The following SAMD12 variants were observed in gnomAD, a reference collection of about 807,000 sequenced individuals.
SAMD12 encodes the protein sterile alpha motif domain containing 12.
Under a neutral mutation model 15.0 loss-of-function variants are expected in SAMD12, and 9 were observed. The observed-to-expected ratio is 0.60, with a 90% CI of 0.36 to 1.05. The LOEUF (loss-of-function observed/expected upper bound fraction) is 1.05. SAMD12 is among the 50% of genes least tolerant of loss of function. The probability of loss-of-function intolerance (pLI) is 0.01; values close to 1 mark genes in which losing one functional copy is unlikely to be tolerated. For missense variants in SAMD12, 230 were observed against 234.2 expected (o/e 0.98, Z 0.12); for synonymous variants, 86 against 90.1 (o/e 0.96, Z 0.25).
At chr8:118,500,914 G>T (rs571461329) in intron 2 of SAMD12, among the ~76,000 whole-genome samples, 1 of 152,240 alleles carries the variant, frequency 6.6e-6, no homozygotes, top group East Asian at 1.9e-4. Flanking sequence ...TTGACATTCT[G>T]GTCTCCTCTA....
At position 118,569,020 on chromosome 8, in the gene SAMD12, T is replaced by C. The variant is rs1034765097; in HGVS notation, c.192+11695A>G. ...ATAGTTCAGATTTATTCTTGTATAC[T>C]AAGATATTTGTTTTATGATGGTGAT... On this transcript the variant is annotated intron_variant, in intron 2 of 3. Coordinates refer to ENST00000314727, the MANE Select transcript of SAMD12 (RefSeq NM_207506.3). 2.0e-5 allele frequency among the ~76,000 whole-genome samples: 3 copies of C among 152,342 alleles called. No individual in the cohort carries two copies. In the East Asian group the frequency reaches 5.8e-4, roughly 29 times the overall value.
chr8:118,485,507 T>C (rs1196000489), intron 2 of SAMD12, among the ~76,000 whole-genome samples: 1 of 152,240 alleles, frequency 6.6e-6, no homozygotes, highest in South Asian at 2.1e-4. Context: ...ATCTTTCCTC[T>C]TAATCCTTGT....
intron 2 of SAMD12, among the ~76,000 whole-genome samples, chr8:118,550,052 T>C (rs185495071): frequency 1.6e-3 from 245 of 152,240 alleles, no homozygotes; most frequent in African/African-American, 5.7e-3. Flanking sequence ...CTACGACTGA[T>C]TGGTGTACCT....
At chr8:118,552,098 A>G (rs954553887) in intron 2 of SAMD12, among the ~76,000 whole-genome samples, 2 of 152,190 alleles carry the variant, frequency 1.3e-5, no homozygotes, top group African/African-American at 2.4e-5. Flanking sequence ...TACCAGAGGT[A>G]CGAGGAGGAA....
chr8:118,567,618 AAT>A (rs1826887644), intron 2 of SAMD12, among the ~76,000 whole-genome samples: 1 of 152,188 alleles, frequency 6.6e-6, no homozygotes, highest in Non-Finnish European at 1.5e-5. Context: ...TTTGGCCAAA[AAT>A]CTGCTATTGG....
chr8:118,278,638 C>T (rs1237803074), intron 4 of SAMD12, among the ~76,000 whole-genome samples: 1 of 152,180 alleles, frequency 6.6e-6, no homozygotes, highest in Non-Finnish European at 1.5e-5. Flanking sequence ...ATAACCATTT[C>T]TGCTCAAAAC....
At chr8:118,219,650 G>A (rs1812041957) in intron 4 of SAMD12, among the ~76,000 whole-genome samples, 1 of 152,204 alleles carries the variant, frequency 6.6e-6, no homozygotes, top group South Asian at 2.1e-4. Context: ...CATTTGATCT[G>A]TTGAGAAGCT....
chr8:118,232,938 C>G (rs915665888), intron 4 of SAMD12, among the ~76,000 whole-genome samples: 10 of 152,140 alleles, frequency 6.6e-5, no homozygotes, highest in African/African-American at 2.4e-4. Flanking sequence ...TATTGAAACT[C>G]TGCCAGAAAG....
At chr8:118,302,078 G>GTTTTTTTTATTTTTTTTTTTTT (rs1815064243) in intron 4 of SAMD12, among the ~76,000 whole-genome samples, 1 of 74,692 alleles carries the variant, frequency 1.3e-5, no homozygotes, top group Admixed American at 2.1e-4. Flanking sequence ...ATCTTTGAGA[G>GTTTTTTTTATTTTTTTTTTTTT]TTTTTTTTTT....
intron 1 of SAMD12, among the ~76,000 whole-genome samples, chr8:118,618,486 G>A (rs1474032568): frequency 6.6e-6 from 1 of 152,172 alleles, no homozygotes; most frequent in Non-Finnish European, 1.5e-5. Flanking sequence ...GAGAGTACAA[G>A]TGATATTTAC....
rs544015308 is a variant in SAMD12 at position 118,431,937 on chromosome 8, C to T, written c.322+7895G>A. 4.6e-4 allele frequency among the ~76,000 whole-genome samples: 70 copies of T among 152,098 alleles called. 3 individuals are homozygous for T. In the South Asian group the frequency reaches 0.013, roughly 29 times the overall value. ...CTTGGATGTTCTGCTCTGTTGTTTT[C>T]ATTCATTTTACTCTTTGTATTTTGG... On this transcript the variant is annotated intron_variant, in intron 3 of 3. Coordinates refer to ENST00000314727, the MANE Select transcript of SAMD12 (RefSeq NM_207506.3).
chr8:118,215,596 C>T (rs1389367387), intron 4 of SAMD12, among the ~76,000 whole-genome samples: 1 of 151,962 alleles, frequency 6.6e-6, no homozygotes, highest in Admixed American at 6.6e-5. Context: ...GTATATCTCC[C>T]AATGCTATCC....
chr8:118,604,008 A>C (rs1827928582), intron 1 of SAMD12, among the ~76,000 whole-genome samples: 1 of 152,158 alleles, frequency 6.6e-6, no homozygotes, highest in Non-Finnish European at 1.5e-5. Flanking sequence ...ATAAAATCTA[A>C]ATTTTACCTA....
chr8:118,536,350 C>G (rs768428486), intron 2 of SAMD12, among the ~76,000 whole-genome samples: 3 of 151,830 alleles, frequency 2.0e-5, no homozygotes, highest in African/African-American at 7.3e-5. Flanking sequence ...ATTTAGTTAC[C>G]TCTGTAATAT....
chr8:118,305,758 T>C (rs1017757955), intron 4 of SAMD12, among the ~76,000 whole-genome samples: 5 of 152,290 alleles, frequency 3.3e-5, no homozygotes, highest in Admixed American at 2.6e-4. Flanking sequence ...ACTCACCTGT[T>C]TGCTTTTAGA....
At chr8:118,521,664 A>T (rs559356685) in intron 2 of SAMD12, among the ~76,000 whole-genome samples, 21 of 114,068 alleles carry the variant, frequency 1.8e-4, no homozygotes, top group Admixed American at 1.8e-3. Flanking sequence ...GGCTTCTTCC[A>T]AGACTGGGCT....
chr8:118,353,055 T>C (rs962438428), intron 4 of SAMD12, among the ~76,000 whole-genome samples: 3 of 152,106 alleles, frequency 2.0e-5, no homozygotes, highest in Non-Finnish European at 2.9e-5. Context: ...TGTTAAAATA[T>C]TGCTGTATGT....
chr8:118,403,782 G>C (rs1425762443), intron 3 of SAMD12, among the ~76,000 whole-genome samples: 1 of 152,140 alleles, frequency 6.6e-6, no homozygotes, highest in Non-Finnish European at 1.5e-5. Context: ...ATAAATCAGA[G>C]GGAGAGGAAG....
chr8:118,500,516 G>A (rs1026401505), intron 2 of SAMD12, among the ~76,000 whole-genome samples: 1 of 151,758 alleles, frequency 6.6e-6, no homozygotes, highest in Non-Finnish European at 1.5e-5. Flanking sequence ...ATCAAAATCA[G>A]TTGTTCCTGC....
Sources: allele counts gnomAD v4.1 joint callset (sites outside exome capture counted in the v4.1 genomes callset), GRCh38; gene constraint gnomAD v4.1.1; transcripts MANE v1.5; gene names NCBI Gene and HGNC (gene_info 2026-07-23, HGNC 2026-07-21).